LARGE1: variants seen among roughly 807,000 people sequenced by gnomAD.
The protein encoded by LARGE1 is xylosyl- and glucuronyltransferase LARGE1.
In LARGE1, 43 loss-of-function variants were observed where a neutral mutation model predicts 87.6. That is an observed-to-expected ratio of 0.49 (90% CI 0.38 to 0.63). The LOEUF is 0.63. Ranked by LOEUF, LARGE1 falls within the 30% of genes least tolerant of loss-of-function variation. The pLI is 0.00. For missense variants in LARGE1, 802 were observed against 1,000.2 expected, an observed-to-expected ratio of 0.80 and a Z score of 2.67; for synonymous variants, 434 against 394.6, an observed-to-expected ratio of 1.10 and a Z score of -1.18.
At chr22:33,674,357 T>G (rs578128018) in intron 2 of LARGE1, among the ~76,000 whole-genome samples, 1 of 152,282 alleles carries the variant, frequency 6.6e-6, no homozygotes, top group South Asian at 2.1e-4. Flanking sequence ...AGTCTTTACT[T>G]GTTTATTACT....
At chr22:33,255,217 C>G (rs1358107336) in intron 11 of LARGE1, among the ~76,000 whole-genome samples, 1 of 152,168 alleles carries the variant, frequency 6.6e-6, no homozygotes, top group Non-Finnish European at 1.5e-5. Flanking sequence ...GGAATACAGG[C>G]GTGAGCCACC....
chr22:33,672,761 G>T (rs2081454904), intron 2 of LARGE1, among the ~76,000 whole-genome samples: 1 of 152,164 alleles, frequency 6.6e-6, no homozygotes, highest in Admixed American at 6.5e-5. Flanking sequence ...TAGAGAAGTA[G>T]ATTTAAAATA....
At chr22:33,810,832 C>T (rs1033813505) in intron 1 of LARGE1, among the ~76,000 whole-genome samples, 1 of 151,718 alleles carries the variant, frequency 6.6e-6, no homozygotes, top group Non-Finnish European at 1.5e-5. Context: ...CAAGCAATTT[C>T]CCTGCCTCAG....
intron 2 of LARGE1, among the ~76,000 whole-genome samples, chr22:33,711,651 T>C (rs546918041): frequency 6.6e-6 from 1 of 152,184 alleles, no homozygotes; most frequent in East Asian, 1.9e-4. Context: ...ATGAGTTTGT[T>C]TGTGTTTGTT....
intron 6 of LARGE1, among the ~76,000 whole-genome samples, chr22:33,543,997 T>C (rs901067089): frequency 2.0e-5 from 3 of 152,252 alleles, no homozygotes; most frequent in African/African-American, 7.2e-5. Flanking sequence ...AATTTTGGTA[T>C]GTCCTAGAGA....
At chr22:33,799,962 C>T (rs549729333) in intron 1 of LARGE1, among the ~76,000 whole-genome samples, 1 of 152,096 alleles carries the variant, frequency 6.6e-6, no homozygotes, top group Non-Finnish European at 1.5e-5. Flanking sequence ...CTCTATTTAG[C>T]CAGGAAATAG....
intron 1 of LARGE1, among the ~76,000 whole-genome samples, chr22:33,852,302 C>T (rs903045717): frequency 2.6e-5 from 4 of 151,978 alleles, no homozygotes; most frequent in Non-Finnish European, 5.9e-5. Flanking sequence ...ACCGATGCTC[C>T]CAGATGAAGT....
At chr22:33,849,912 T>C (rs933528039) in intron 1 of LARGE1, among the ~76,000 whole-genome samples, 1 of 152,218 alleles carries the variant, frequency 6.6e-6, no homozygotes, top group Non-Finnish European at 1.5e-5. Flanking sequence ...CCTTTAGTTC[T>C]TATTACAATA....
At chr22:33,345,943 G>A (rs917038115) in intron 9 of LARGE1, among the ~76,000 whole-genome samples, 22 of 152,116 alleles carry the variant, frequency 1.4e-4, no homozygotes, top group African/African-American at 5.3e-4. Context: ...ATAAGAACAT[G>A]GATCTTATCT....
At chr22:33,373,832 C>A (rs750969544) in intron 9 of LARGE1, among the ~76,000 whole-genome samples, 7 of 151,840 alleles carry the variant, frequency 4.6e-5, no homozygotes, top group Non-Finnish European at 1.0e-4. Context: ...AAATTAGCCA[C>A]GTGTGGTGGC....
At chr22:33,744,746 C>A (rs1238722142) in intron 2 of LARGE1, among the ~76,000 whole-genome samples, 2 of 152,184 alleles carry the variant, frequency 1.3e-5, no homozygotes, top group Non-Finnish European at 2.9e-5. Context: ...AGAGGAGGAA[C>A]TACCTACAGC....
intron 1 of LARGE1, among the ~76,000 whole-genome samples, chr22:33,824,450 G>C (rs956626675): frequency 6.6e-6 from 1 of 152,132 alleles, no homozygotes; most frequent in Non-Finnish European, 1.5e-5. Context: ...TCATTATCAC[G>C]AGAACAGCAA....
intron 1 of LARGE1, among the ~76,000 whole-genome samples, chr22:33,914,738 A>AG (rs2065733576): frequency 6.6e-6 from 1 of 152,140 alleles, no homozygotes; most frequent in Non-Finnish European, 1.5e-5. Flanking sequence ...GACAACCTAA[A>AG]GAGTGCTCAG....
chr22:33,194,713 G>A (rs1176470477), intron 11 of LARGE1, among the ~76,000 whole-genome samples: 1 of 152,126 alleles, frequency 6.6e-6, no homozygotes, highest in Non-Finnish European at 1.5e-5. Flanking sequence ...CACCCTGCAG[G>A]CCACATTCTT....
At chr22:33,412,275 A>G (rs2066331628) in intron 7 of LARGE1, among the ~76,000 whole-genome samples, 1 of 150,450 alleles carries the variant, frequency 6.6e-6, no homozygotes, top group Non-Finnish European at 1.5e-5. Context: ...CAAGAGTGAG[A>G]CTCCATCTCA....
At chr22:33,432,062 GCCT>G in intron 7 of LARGE1, 96 bp downstream of exon 7, 1 of 913,458 alleles carries the variant, frequency 1.1e-6, no homozygotes, top group Admixed American at 1.9e-5. Flanking sequence ...CAATCAGGTG[GCCT>G]CCTCCTGAGC....
At chr22:33,594,667 C>T (rs761416961) in intron 5 of LARGE1, among the ~76,000 whole-genome samples, 8 of 152,172 alleles carry the variant, frequency 5.3e-5, no homozygotes, top group Non-Finnish European at 8.8e-5. Context: ...AGTGCAATGG[C>T]GCAATCTCAG....
intron 11 of LARGE1, among the ~76,000 whole-genome samples, chr22:33,178,733 A>G (rs553949059): frequency 6.6e-6 from 1 of 152,284 alleles, no homozygotes; most frequent in South Asian, 2.1e-4. Context: ...TAGTATACCA[A>G]TGTGAATTTA....
chr22:33,092,100 A>T, the LARGE1 span, among the ~76,000 whole-genome samples: 2 of 152,086 alleles, frequency 1.3e-5, no homozygotes, highest in South Asian at 4.1e-4. Context: ...GGGTTTCACC[A>T]TGTTGGTCAA....
Sources: gnomAD v4.1 joint callset for allele counts (sites outside exome capture counted in the v4.1 genomes callset) on GRCh38, gnomAD v4.1.1 for gene constraint, MANE v1.5 for transcripts, NCBI Gene and HGNC (gene_info 2026-07-23, HGNC 2026-07-21) for gene names.